Variants in SHMT1 observed in about 807,000 individuals in gnomAD.
SHMT1 encodes the protein serine hydroxymethyltransferase 1, also known as serine hydroxymethyltransferase, cytosolic.
In SHMT1, 45 loss-of-function variants were observed where a neutral mutation model predicts 49.0. The observed-to-expected ratio is 0.92, with a 90% confidence interval of 0.72 to 1.18. The LOEUF is 1.18. Among genes scored for constraint, SHMT1 ranks in the 50% most tolerant of loss-of-function variants. SHMT1 has a pLI of 0.00. For synonymous variants in SHMT1, 232 were observed against 246.6 expected (o/e 0.94, Z 0.55); for missense variants, 541 against 612.4 (o/e 0.88, Z 1.23).
At position 18,340,411 on chromosome 17, in the gene SHMT1, C is replaced by T; in HGVS notation, c.602-156G>A. 1.2e-6 allele frequency: 1 copy of T among 836,108 alleles called. No individual in the cohort carries two copies. Among genetic ancestry groups the T allele is most frequent in the South Asian group, 1.4e-5 (1 of 68,966 alleles). 51.8% of individuals were successfully genotyped at this position (836,108 alleles called of 1,614,324 possible). ...TGGAGAATGCCCTCAAAAAGCACCTCTGTGCTAAAGGCAACCACTCTAACT... is the reference window on the plus strand; with the variant it reads ...TGGAGAATGCCCTCAAAAAGCACCTTTGTGCTAAAGGCAACCACTCTAACT... On this transcript the variant is annotated intron_variant, in intron 6 of 11. Coordinates refer to ENST00000316694, the MANE Select transcript of SHMT1 (RefSeq NM_004169.5). This position sits in a 1 kb window ranked among gnomAD's most constrained non-coding sequence, Gnocchi z 4.5.
chr17:18,351,668 G>T (rs1233344036), intron 3 of SHMT1, among the ~76,000 whole-genome samples: 1 of 152,020 alleles, frequency 6.6e-6, no homozygotes, highest in African/African-American at 2.4e-5. Flanking sequence ...CAGCTACTTG[G>T]GAGGCTGAGG....
intron 9 of SHMT1, 94 bp downstream of exon 9, chr17:18,333,072 C>G (rs1335164505): frequency 6.7e-7 from 1 of 1,492,284 alleles, no homozygotes; most frequent in Non-Finnish European, 9.3e-7. Context: ...GCTGCAGCAG[C>G]AGAGCCTGGG....
At chr17:18,333,327 G>C in intron 8 of SHMT1, 39 bp from the exon 9 acceptor site, 1 of 1,605,680 alleles carries the variant, frequency 6.2e-7, no homozygotes, top group Non-Finnish European at 8.5e-7. Context: ...GGCTAGGATA[G>C]AATCATACAC....
At chr17:18,359,443 G>A (rs914631934) in intron 1 of SHMT1, among the ~76,000 whole-genome samples, 2 of 152,022 alleles carry the variant, frequency 1.3e-5, no homozygotes, top group African/African-American at 2.4e-5. Flanking sequence ...GAAGGCTGAG[G>A]TGGGCAGATC....
Position 18,347,759 on chromosome 17 carries a change from A to G in SHMT1, c.359-103T>C, listed in dbSNP as rs1317175107. ...GCCTTCACCCAGGAGTGGCGAGAAC[A>G]GGCCTTGTACCTTCCCTGAGCTCCA... On this transcript the variant is annotated intron_variant, in intron 4 of 11. Transcript: ENST00000316694. 3.8e-6 allele frequency: 5 copies of G among 1,302,266 alleles called. No homozygotes were observed. The Admixed American group carries it at 9.2e-5, about 24-fold the overall frequency. The allele number at this position is 1,302,266 out of a possible 1,614,324, so 80.7% of individuals were successfully genotyped here.
At chr17:18,336,752 A>G (rs987362096) in intron 7 of SHMT1, among the ~76,000 whole-genome samples, 3 of 152,076 alleles carry the variant, frequency 2.0e-5, no homozygotes, top group African/African-American at 7.2e-5. Flanking sequence ...CAAGACCAGC[A>G]TGAGCAACAA....
chr17:18,329,078 C>T (rs527296351), intron 11 of SHMT1, among the ~76,000 whole-genome samples, 159 bp from the exon 12 acceptor site: 1 of 152,120 alleles, frequency 6.6e-6, no homozygotes, highest in African/African-American at 2.4e-5. Flanking sequence ...ATGCACCCAC[C>T]CTTGGACAGA....
intron 1 of SHMT1, among the ~76,000 whole-genome samples, chr17:18,357,968 A>C (rs1288008250): frequency 6.8e-6 from 1 of 146,580 alleles, no homozygotes; most frequent in Admixed American, 6.9e-5. Flanking sequence ...GGTTCATGCC[A>C]TTCTCCTGCC....
Position 18,353,662 on chromosome 17 carries a change from A to G in SHMT1, c.242+10T>C, listed in dbSNP as rs8070162. 7,185 of 1,613,946 alleles carry G rather than the reference A, an allele frequency of 4.5e-3. 289 individuals are homozygous for G. The African/African-American group carries it at 0.084, about 19-fold the overall frequency. ...GTGTCAGAACCAGGCCTTTGAAGAT[A>G]TTCACATACCTCTGGCCCGGGTACC... On this transcript the variant is annotated intron_variant, in intron 3 of 11. Coordinates refer to ENST00000316694, the MANE Select transcript of SHMT1 (RefSeq NM_004169.5).
intron 1 of SHMT1, among the ~76,000 whole-genome samples, chr17:18,362,030 T>TG (rs1321418332): frequency 6.6e-6 from 1 of 152,218 alleles, no homozygotes; most frequent in Non-Finnish European, 1.5e-5. Flanking sequence ...CCTGGGCCTC[T>TG]GTCACATAAG....
At position 18,339,229 on chromosome 17, in the gene SHMT1, T is replaced by C. The variant is rs142296969; in HGVS notation, c.814+814A>G. 8.4e-3 allele frequency among the ~76,000 whole-genome samples: 1,276 copies of C among 152,210 alleles called. 22 individuals are homozygous for C. Among genetic ancestry groups the C allele is most frequent in the African/African-American group, 0.029 (1,221 of 41,526 alleles). Reference sequence around the variant, plus strand: ...AAGGGGAGTGCCTAGGGGTAGGTTATGAGGTAATGGAAAGAAAAACCTTCA... The same window carrying C: ...AAGGGGAGTGCCTAGGGGTAGGTTACGAGGTAATGGAAAGAAAAACCTTCA... On this transcript the variant is annotated intron_variant, in intron 7 of 11. Transcript: ENST00000316694.
chr17:18,329,151 G>T, intron 11 of SHMT1, 127 bp downstream of exon 11: 2 of 899,584 alleles, frequency 2.2e-6, no homozygotes, highest in Non-Finnish European at 3.6e-6. Flanking sequence ...GTTTTTTGCT[G>T]TCTCCCACCC....
At chr17:18,341,930 A>G (rs1339360800) in intron 5 of SHMT1, among the ~76,000 whole-genome samples, 2 of 152,180 alleles carry the variant, frequency 1.3e-5, no homozygotes, top group Non-Finnish European at 2.9e-5. Flanking sequence ...TGGGGAGAGG[A>G]TGACCTTTTC....
chr17:18,329,833 G>A (rs1982985657), intron 10 of SHMT1, among the ~76,000 whole-genome samples: 2 of 152,150 alleles, frequency 1.3e-5, no homozygotes, highest in South Asian at 4.1e-4. Flanking sequence ...GACAGCCAAG[G>A]TATGGTCCCT....
At chr17:18,346,552 G>A (rs569737751) in intron 5 of SHMT1, among the ~76,000 whole-genome samples, 109 of 152,226 alleles carry the variant, frequency 7.2e-4, no homozygotes, top group African/African-American at 2.5e-3. Context: ...GGCTGGCTGC[G>A]TTATCAGGTA....
At position 18,355,925 on chromosome 17, in the gene SHMT1, G is replaced by A. The variant is rs778865591; in HGVS notation, c.57C>T (p.Asp19=). Residue 19 remains aspartate (D), a synonymous_variant, in exon 2 of 12, where the codon GAC becomes GAT. Coordinates refer to ENST00000316694, the MANE Select transcript of SHMT1 (RefSeq NM_004169.5). ...HKDADLWSSH[D]KMLAQPLKDS... ...CTTTGAGGGGTTGTGCCAGCATCTT[G>A]TCATGTGAGGACCACAGGTCAGCAT... 1 of 1,613,958 alleles carries A rather than the reference G, an allele frequency of 6.2e-7. No homozygotes were observed. Among genetic ancestry groups the A allele is most frequent in the East Asian group, 2.2e-5 (1 of 44,904 alleles).
intron 9 of SHMT1, chr17:18,332,958 C>G (rs1283683830): frequency 1.5e-6 from 1 of 663,986 alleles, no homozygotes; most frequent in Admixed American, 2.1e-5. Context: ...CTATTCCCAT[C>G]ATCTGTGGCT....
chr17:18,331,316 C>G (rs114685972), intron 9 of SHMT1: 1 of 160,936 alleles, frequency 6.2e-6, no homozygotes, highest in African/African-American at 2.4e-5. Flanking sequence ...TTTCAAGATG[C>G]GGGTGAGCTA....
chr17:18,329,151 G>C (rs1289785243), intron 11 of SHMT1, 127 bp downstream of exon 11: 8 of 899,474 alleles, frequency 8.9e-6, no homozygotes, highest in Non-Finnish European at 1.4e-5. Flanking sequence ...GTTTTTTGCT[G>C]TCTCCCACCC....
Sources: allele counts gnomAD v4.1 joint callset (sites outside exome capture counted in the v4.1 genomes callset), GRCh38; gene constraint gnomAD v4.1.1; non-coding constraint Gnocchi (gnomAD v3.1); transcripts MANE v1.5; gene names NCBI Gene and HGNC (gene_info 2026-07-23, HGNC 2026-07-21).